Variants in LRBA observed in about 807,000 individuals in gnomAD.
LRBA encodes lipopolysaccharide-responsive and beige-like anchor protein.
A neutral mutation model predicts 330.0 loss-of-function variants in LRBA; 176 were observed. The observed-to-expected ratio is 0.53, with a 90% CI of 0.47 to 0.60. The LOEUF is 0.60. Among genes scored for constraint, LRBA ranks in the 20% least tolerant of loss-of-function variants. The pLI, the probability that LRBA is intolerant of heterozygous loss-of-function variation, is 0.00. For synonymous variants in LRBA, 1,230 were observed against 1,193.0 expected, an observed-to-expected ratio of 1.03 and a Z score of -0.64; for missense variants, 3,259 against 3,444.8, an observed-to-expected ratio of 0.95 and a Z score of 1.35.
intron 34 of LRBA, among the ~76,000 whole-genome samples, chr4:150,772,688 G>T (rs994528087): frequency 6.6e-6 from 1 of 152,118 alleles, no homozygotes; most frequent in Admixed American, 6.5e-5. Context: ...GGTTTGCATT[G>T]CAATTTACCT....
chr4:150,866,497 G>A (rs530362737), intron 22 of LRBA, among the ~76,000 whole-genome samples: 2 of 152,294 alleles, frequency 1.3e-5, no homozygotes, highest in South Asian at 4.1e-4. Context: ...CACGTGATTA[G>A]GTGATGTGAA....
chr4:150,418,639 G>A (rs1291512054), intron 46 of LRBA, among the ~76,000 whole-genome samples: 2 of 152,102 alleles, frequency 1.3e-5, no homozygotes, highest in East Asian at 3.8e-4. Context: ...TTAAAAATTA[G>A]CTTTCAACAT....
At chr4:150,493,644 C>T (rs1406618560) in intron 40 of LRBA, among the ~76,000 whole-genome samples, 2 of 152,090 alleles carry the variant, frequency 1.3e-5, no homozygotes, top group South Asian at 2.1e-4. Context: ...CATTTTGGTA[C>T]CATTTTCACT....
In LRBA at chr4:150,436,714, T is replaced by C; in HGVS notation, c.6921+10A>G. The C allele has an allele frequency of 1.9e-6, 3 of 1,607,234 alleles. 1 individual carries two copies. The highest frequency in any genetic ancestry group is 4.5e-5 in the East Asian group (2 of 44,724). The stretch of plus-strand genomic sequence containing the variant: ...ATTTAGCCATGGTGTATTATTCAAA[T>C]TGAACTTACTATTCTTAGCAGCCAT... On this transcript the variant is annotated intron_variant, in intron 45 of 56. Coordinates refer to ENST00000651943, the MANE Select transcript of LRBA (RefSeq NM_001364905.1).
At chr4:150,266,812 T>G (rs932282954) in intron 56 of LRBA, among the ~76,000 whole-genome samples, 2 of 152,208 alleles carry the variant, frequency 1.3e-5, no homozygotes, top group Non-Finnish European at 2.9e-5. Flanking sequence ...ATATGCTGTC[T>G]ACAGGAGACC....
At chr4:150,537,136 T>C (rs1021070621) in intron 40 of LRBA, among the ~76,000 whole-genome samples, 2 of 152,090 alleles carry the variant, frequency 1.3e-5, no homozygotes, top group Non-Finnish European at 2.9e-5. Flanking sequence ...AACAGACACA[T>C]AGACCAATGG....
Position 150,937,914 on chromosome 4 carries a change from T to C in LRBA, c.217-8849A>G, listed in dbSNP as rs115583819. 6.7e-3 allele frequency among the ~76,000 whole-genome samples: 1,026 copies of C among 152,094 alleles called. 15 individuals carry two copies. The highest frequency in any genetic ancestry group is 0.023 in the African/African-American group (972 of 41,492). On this transcript the variant is annotated intron_variant, in intron 2 of 56. Coordinates refer to ENST00000651943, the MANE Select transcript of LRBA (RefSeq NM_001364905.1). Reference sequence around the variant, plus strand: ...AAAATCTAAAGACCAAACATGGAGATCAAAAATAATTATCTTCTCTTCAAA... The same window carrying C: ...AAAATCTAAAGACCAAACATGGAGACCAAAAATAATTATCTTCTCTTCAAA...
chr4:150,413,809 C>A (rs1747348344), intron 47 of LRBA, among the ~76,000 whole-genome samples: 1 of 151,994 alleles, frequency 6.6e-6, no homozygotes, highest in Non-Finnish European at 1.5e-5. Flanking sequence ...AAAGAAAAAT[C>A]ACTGAAAGAA....
At chr4:150,577,238 T>A (rs1770657455) in intron 40 of LRBA, among the ~76,000 whole-genome samples, 1 of 152,038 alleles carries the variant, frequency 6.6e-6, no homozygotes, top group Admixed American at 6.5e-5. Flanking sequence ...ACATCTTACA[T>A]ATATTTAAAT....
chr4:150,556,433 T>C (rs192861435), intron 40 of LRBA, among the ~76,000 whole-genome samples: 2 of 152,352 alleles, frequency 1.3e-5, no homozygotes, highest in Non-Finnish European at 2.9e-5. Flanking sequence ...TTCTTACTTA[T>C]TGCTGTAATC....
intron 51 of LRBA, chr4:150,315,347 G>A (rs1368785333): frequency 5.1e-6 from 3 of 585,560 alleles, no homozygotes; most frequent in East Asian, 2.9e-5. Flanking sequence ...TCAGTGACAC[G>A]CGTCCTAGGC....
At chr4:150,963,538 C>T (rs1016372958) in intron 2 of LRBA, among the ~76,000 whole-genome samples, 1 of 149,516 alleles carries the variant, frequency 6.7e-6, no homozygotes, top group Non-Finnish European at 1.5e-5. Flanking sequence ...ATCGCTACAA[C>T]CTCCACCTCC....
At chr4:150,649,972 G>A (rs772437164) in intron 37 of LRBA, among the ~76,000 whole-genome samples, 13 of 152,158 alleles carry the variant, frequency 8.5e-5, no homozygotes, top group South Asian at 2.1e-4. Flanking sequence ...AAGAGGTTGC[G>A]TTCAAATCTA....
intron 40 of LRBA, among the ~76,000 whole-genome samples, chr4:150,556,755 A>T (rs1474367763): frequency 6.6e-6 from 1 of 152,212 alleles, no homozygotes; most frequent in Admixed American, 6.5e-5. Context: ...GCATGCACAA[A>T]TGCAATTTGT....
chr4:150,475,542 TTAAG>T (rs750699961), intron 42 of LRBA, among the ~76,000 whole-genome samples: 9 of 152,214 alleles, frequency 5.9e-5, no homozygotes, highest in South Asian at 2.1e-4. Flanking sequence ...TCCGTATCAT[TTAAG>T]TATCTAATTT....
intron 22 of LRBA, among the ~76,000 whole-genome samples, chr4:150,860,198 C>T (rs575292090): frequency 4.6e-5 from 7 of 152,050 alleles, no homozygotes; most frequent in Non-Finnish European, 7.4e-5. Context: ...AAAATCCACA[C>T]GAAGGAATAA....
chr4:150,761,597 C>T (rs1395705220), intron 35 of LRBA, among the ~76,000 whole-genome samples, 186 bp downstream of exon 35: 3 of 151,880 alleles, frequency 2.0e-5, no homozygotes, highest in African/African-American at 7.2e-5. Flanking sequence ...TATCAGTAAG[C>T]TTGCATCTAA....
At chr4:150,458,784 GTTTT>G (rs200385223) in intron 44 of LRBA, among the ~76,000 whole-genome samples, 24 of 144,984 alleles carry the variant, frequency 1.7e-4, no homozygotes, top group South Asian at 4.4e-4. Flanking sequence ...ATTTATTCTA[GTTTT>G]TTTTTTTTTA....
chr4:150,435,193 AC>A (rs1246644559), intron 46 of LRBA, among the ~76,000 whole-genome samples: 1 of 151,940 alleles, frequency 6.6e-6, no homozygotes, highest in Non-Finnish European at 1.5e-5. Flanking sequence ...AAAAAAAAAT[AC>A]AAAAAAACTA....
Sources: gnomAD v4.1 joint callset for allele counts (sites outside exome capture counted in the v4.1 genomes callset) on GRCh38, gnomAD v4.1.1 for gene constraint, MANE v1.5 for transcripts, NCBI Gene and HGNC (gene_info 2026-07-23, HGNC 2026-07-21) for gene names.